MIPOL1: variants seen among roughly 807,000 people sequenced by gnomAD.
MIPOL1 encodes mirror-image polydactyly 1.
MIPOL1 carries 57 observed loss-of-function variants against 60.9 expected under a neutral mutation model. That is an observed-to-expected ratio of 0.94 (90% CI 0.76 to 1.17). The LOEUF (loss-of-function observed/expected upper bound fraction) is 1.17, where lower values mean the gene tolerates loss of function less well. MIPOL1 is among the 50% of genes most tolerant of loss of function. The pLI, the probability that MIPOL1 is intolerant of heterozygous loss-of-function variation, is 0.00. For synonymous variants in MIPOL1, 179 were observed against 168.8 expected (o/e 1.06, Z -0.47); for missense variants, 551 against 511.6 (o/e 1.08, Z -0.74).
chr14:37,408,427 C>T (rs1009630911), intron 10 of MIPOL1, among the ~76,000 whole-genome samples: 12 of 151,874 alleles, frequency 7.9e-5, no homozygotes, highest in South Asian at 2.1e-4. Context: ...CCCAGTAGTT[C>T]GAGACCAGCC....
chr14:37,383,246 T>C (rs2092973888), intron 10 of MIPOL1, among the ~76,000 whole-genome samples: 1 of 151,938 alleles, frequency 6.6e-6, no homozygotes, highest in Admixed American at 6.6e-5. Flanking sequence ...GTATTGTTTG[T>C]GATTTATGAC....
intron 9 of MIPOL1, among the ~76,000 whole-genome samples, chr14:37,362,185 A>G (rs1237230195): frequency 6.6e-6 from 1 of 152,164 alleles, no homozygotes; most frequent in Non-Finnish European, 1.5e-5. Context: ...CCGTTAATTG[A>G]TGCAGTTTCT....
At chr14:37,444,109 T>TG (rs1251929158) in intron 11 of MIPOL1, among the ~76,000 whole-genome samples, 1 of 152,152 alleles carries the variant, frequency 6.6e-6, no homozygotes, top group Non-Finnish European at 1.5e-5. Flanking sequence ...TATTAAAAAT[T>TG]GGAAAAATAA....
chr14:37,509,424 A>G (rs779935367), intron 12 of MIPOL1, among the ~76,000 whole-genome samples: 1 of 151,816 alleles, frequency 6.6e-6, no homozygotes. Context: ...CCATAGTGTC[A>G]CACAGGGTTC....
chr14:37,240,464 A>G (rs190285999), intron 1 of MIPOL1: 5 of 152,304 alleles, frequency 3.3e-5, no homozygotes, highest in Non-Finnish European at 5.9e-5. Context: ...AGGTGGCTGT[A>G]TGGAAATGTA....
intron 9 of MIPOL1, among the ~76,000 whole-genome samples, chr14:37,346,159 G>A (rs1226546726): frequency 1.3e-4 from 20 of 151,862 alleles, no homozygotes; most frequent in African/African-American, 2.7e-4. Context: ...GTGAAACCCC[G>A]TCTCTACAAA....
At chr14:37,482,107 C>T (rs2094880214) in intron 11 of MIPOL1, among the ~76,000 whole-genome samples, 1 of 152,038 alleles carries the variant, frequency 6.6e-6, no homozygotes, top group Non-Finnish European at 1.5e-5. Context: ...AGCTTCTGTA[C>T]ATCAAAGAAA....
chr14:37,538,050 C>T (rs968358701), intron 12 of MIPOL1, among the ~76,000 whole-genome samples: 1 of 152,132 alleles, frequency 6.6e-6, no homozygotes, highest in Non-Finnish European at 1.5e-5. Flanking sequence ...GTAGCTGGTC[C>T]AGCTTCTTTA....
intron 9 of MIPOL1, among the ~76,000 whole-genome samples, chr14:37,331,710 C>CA (rs1262191867): frequency 6.6e-6 from 1 of 151,638 alleles, no homozygotes; most frequent in Non-Finnish European, 1.5e-5. Context: ...ATGTCATCTG[C>CA]AAAAAAGGAT....
intron 9 of MIPOL1, among the ~76,000 whole-genome samples, chr14:37,359,883 T>C (rs2092118693): frequency 6.6e-6 from 1 of 152,176 alleles, no homozygotes; most frequent in Admixed American, 6.6e-5. Context: ...AGAGAGGGCA[T>C]CCTTGTCTTG....
intron 11 of MIPOL1, among the ~76,000 whole-genome samples, chr14:37,466,115 G>C (rs1402816805): frequency 2.0e-5 from 3 of 152,152 alleles, no homozygotes; most frequent in Admixed American, 2.0e-4. Flanking sequence ...TCTTGCAACA[G>C]AAATTTTATA....
intron 6 of MIPOL1, among the ~76,000 whole-genome samples, chr14:37,272,822 A>G (rs1415092918): frequency 6.6e-6 from 1 of 151,628 alleles, no homozygotes; most frequent in East Asian, 1.9e-4. Context: ...AGCAGAATAT[A>G]TATGTTTAAA....
intron 4 of MIPOL1, among the ~76,000 whole-genome samples, chr14:37,268,219 A>G (rs966428845): frequency 6.6e-6 from 1 of 152,192 alleles, no homozygotes; most frequent in African/African-American, 2.4e-5. Flanking sequence ...GTAACATATA[A>G]TGAAATAGAT....
chr14:37,552,075 T>C (rs986081546), downstream of MIPOL1: 2 of 152,138 alleles, frequency 1.3e-5, no homozygotes, highest in African/African-American at 4.8e-5. Context: ...TAGCACTCTA[T>C]CACCTGGAGT....
intron 10 of MIPOL1, among the ~76,000 whole-genome samples, chr14:37,397,975 A>C (rs576533401): frequency 6.6e-6 from 1 of 152,152 alleles, no homozygotes; most frequent in African/African-American, 2.4e-5. Context: ...CCCTCCTGTG[A>C]GTTCTGGCCA....
intron 10 of MIPOL1, among the ~76,000 whole-genome samples, chr14:37,393,325 T>C (rs1191792033): frequency 1.3e-5 from 2 of 151,724 alleles, no homozygotes. Flanking sequence ...TACAGTGCCT[T>C]TTCTGGTAAC....
chr14:37,267,516 T>C (rs1157574763), intron 4 of MIPOL1, among the ~76,000 whole-genome samples: 1 of 152,030 alleles, frequency 6.6e-6, no homozygotes, highest in Non-Finnish European at 1.5e-5. Flanking sequence ...AAGTTAGAAT[T>C]GGAAGAACTT....
intron 11 of MIPOL1, among the ~76,000 whole-genome samples, chr14:37,458,933 A>C (rs534474039): frequency 7.4e-4 from 112 of 152,034 alleles, no homozygotes; most frequent in Non-Finnish European, 1.4e-3. Context: ...TAAATGACAA[A>C]ATTCAGGGAG....
intron 12 of MIPOL1, chr14:37,507,202 C>T (rs1301112801): frequency 6.6e-6 from 1 of 152,160 alleles, no homozygotes; most frequent in Non-Finnish European, 1.5e-5. Context: ...TGTGACGATT[C>T]CTCAAGGATC....
Sources: gnomAD v4.1 joint callset for allele counts (sites outside exome capture counted in the v4.1 genomes callset) on GRCh38, gnomAD v4.1.1 for gene constraint, MANE v1.5 for transcripts, NCBI Gene and HGNC (gene_info 2026-07-23, HGNC 2026-07-21) for gene names.